Variants in TRABD2A observed in about 807,000 individuals in gnomAD.
TRABD2A encodes TraB domain containing 2A.
Under a neutral mutation model 45.6 loss-of-function variants are expected in TRABD2A, and 43 were observed. The observed-to-expected ratio is 0.94, with a 90% confidence interval of 0.74 to 1.22. The LOEUF (loss-of-function observed/expected upper bound fraction) is 1.22. Among genes scored for constraint, TRABD2A ranks in the 50% most tolerant of loss-of-function variants. TRABD2A has a pLI of 0.00. For missense variants in TRABD2A, 642 were observed against 652.4 expected, an observed-to-expected ratio of 0.98 and a Z score of 0.17; for synonymous variants, 269 against 265.0, an observed-to-expected ratio of 1.02 and a Z score of -0.15.
At chr2:84,847,525 G>A (rs1031172590) in intron 2 of TRABD2A, among the ~76,000 whole-genome samples, 1 of 152,188 alleles carries the variant, frequency 6.6e-6, no homozygotes, top group Non-Finnish European at 1.5e-5. Context: ...TACAAGGACT[G>A]TTGTTCCTGG....
At chr2:84,861,160 T>C (rs1404018155) in intron 2 of TRABD2A, among the ~76,000 whole-genome samples, 1 of 152,196 alleles carries the variant, frequency 6.6e-6, no homozygotes, top group East Asian at 1.9e-4. Context: ...AGGTACAGTT[T>C]GGTGGAAGAC....
At position 84,841,819 on chromosome 2, in the gene TRABD2A, AT is replaced by A. The variant is rs1329545471; in HGVS notation, c.816+41del. ...GCCAGGTAATGTTTTTATTCCTATA[AT>A]TAAATGTGTGCTGAGCTTGGCAGGG... On this transcript the variant is annotated intron_variant, in intron 3 of 6. Coordinates refer to ENST00000409520, the MANE Select transcript of TRABD2A (RefSeq NM_001277053.2). 5 of 1,460,704 alleles carry A rather than the reference AT, an allele frequency of 3.4e-6. No homozygotes were observed. The East Asian group carries it at 1.0e-4, about 29-fold the overall frequency. The allele number at this position is 1,460,704 out of a possible 1,614,324, so 90.5% of individuals were successfully genotyped here. A position where few individuals can be genotyped will look rare whatever the true frequency, so the allele number is the denominator to read the frequency against.
intron 2 of TRABD2A, among the ~76,000 whole-genome samples, chr2:84,848,375 TAGACAGAC>T (rs57767626): frequency 3.5e-3 from 280 of 80,530 alleles, no homozygotes; most frequent in East Asian, 0.017. Flanking sequence ...GATAGATAGA[TAGACAGAC>T]AGACAGACAG....
intron 2 of TRABD2A, among the ~76,000 whole-genome samples, chr2:84,863,829 T>A (rs1182213924): frequency 6.6e-6 from 1 of 152,078 alleles, no homozygotes. Context: ...GCCAGGATGG[T>A]CTCGATCTCC....
At chr2:84,880,194 C>T (rs1683155052) in intron 1 of TRABD2A, among the ~76,000 whole-genome samples, 1 of 152,204 alleles carries the variant, frequency 6.6e-6, no homozygotes, top group Non-Finnish European at 1.5e-5. Flanking sequence ...AAATATTCAT[C>T]TCGAAAGAGG....
chr2:84,848,716 C>G (rs1017225706), intron 2 of TRABD2A, among the ~76,000 whole-genome samples: 5 of 151,748 alleles, frequency 3.3e-5, no homozygotes, highest in Admixed American at 6.6e-5. Flanking sequence ...GCTGGGATTA[C>G]AGGCACCCAC....
At chr2:84,859,949 TG>T (rs149173736) in intron 2 of TRABD2A, among the ~76,000 whole-genome samples, 14,019 of 149,866 alleles carry the variant, frequency 0.094, 1,296 homozygotes, top group African/African-American at 0.24. Context: ...TTTGGAGAGA[TG>T]GGGGGGGGTC....
chr2:84,858,200 GC>G (rs1682378403), intron 2 of TRABD2A, among the ~76,000 whole-genome samples: 1 of 152,018 alleles, frequency 6.6e-6, no homozygotes, highest in African/African-American at 2.4e-5. Context: ...ACTAAAAATA[GC>G]TTCTGTATAG....
chr2:84,840,282 C>A (rs1019081778), intron 3 of TRABD2A, among the ~76,000 whole-genome samples: 3 of 151,508 alleles, frequency 2.0e-5, no homozygotes, highest in African/African-American at 7.3e-5. Context: ...ACTCTGTCAT[C>A]TTTTTTTTTA....
chr2:84,877,926 G>A (rs1374591560), intron 1 of TRABD2A, among the ~76,000 whole-genome samples: 1 of 152,150 alleles, frequency 6.6e-6, no homozygotes, highest in Non-Finnish European at 1.5e-5. Flanking sequence ...CTATGGCAAG[G>A]CACTCTTCTG....
At chr2:84,844,499 T>C (rs925957080) in intron 2 of TRABD2A, among the ~76,000 whole-genome samples, 1 of 152,188 alleles carries the variant, frequency 6.6e-6, no homozygotes, top group South Asian at 2.1e-4. Flanking sequence ...TCATTAGCAG[T>C]GTGAGAACAG....
At chr2:84,831,979 G>T in intron 5 of TRABD2A, 76 bp downstream of exon 5, 1 of 1,486,906 alleles carries the variant, frequency 6.7e-7, no homozygotes, top group Non-Finnish European at 9.4e-7. Flanking sequence ...CCTCAAGATA[G>T]CAGCCCACCC....
chr2:84,848,892 G>A (rs1044396840), intron 2 of TRABD2A, among the ~76,000 whole-genome samples: 1 of 152,034 alleles, frequency 6.6e-6, no homozygotes, highest in Non-Finnish European at 1.5e-5. Flanking sequence ...ATATTATAAT[G>A]TAAGATAAAA....
At chr2:84,823,045 T>C (rs1209175857) in intron 6 of TRABD2A, among the ~76,000 whole-genome samples, 1 of 152,168 alleles carries the variant, frequency 6.6e-6, no homozygotes, top group African/African-American at 2.4e-5. Flanking sequence ...TCATTCTACA[T>C]TTATTAAGCA....
chr2:84,840,382 G>C (rs1202950016), intron 3 of TRABD2A, among the ~76,000 whole-genome samples: 3 of 152,008 alleles, frequency 2.0e-5, no homozygotes, highest in African/African-American at 7.3e-5. Context: ...CTCTACAGAG[G>C]CAGCGTCAGA....
Position 84,830,324 on chromosome 2 carries a change from A to G in TRABD2A, c.1082+1731T>C, listed in dbSNP as rs1290873151. Among the ~76,000 whole-genome samples the G allele has an allele frequency of 6.6e-6, 1 of 152,196 alleles. No homozygotes were observed. The highest frequency in any genetic ancestry group is 1.5e-5 in the Non-Finnish European group (1 of 68,022). Reference sequence around the variant, plus strand: ...AGAGGAGGGCTCCTCAGAAGGGGGAAGTAGCGTCAGTAAAGGAGAGGCGGG... The same window carrying G: ...AGAGGAGGGCTCCTCAGAAGGGGGAGGTAGCGTCAGTAAAGGAGAGGCGGG... On this transcript the variant is annotated intron_variant, in intron 5 of 6. Transcript: ENST00000409520. The surrounding 1 kb of genome is among the most constrained non-coding windows in gnomAD (Gnocchi z 4.9).
intron 2 of TRABD2A, among the ~76,000 whole-genome samples, chr2:84,865,589 G>A (rs1368218355): frequency 6.6e-6 from 1 of 152,210 alleles, no homozygotes; most frequent in Non-Finnish European, 1.5e-5. Flanking sequence ...CCCAAGCCAA[G>A]ATGTGACTGG....
chr2:84,855,110 T>A (rs1682230705), intron 2 of TRABD2A, among the ~76,000 whole-genome samples: 1 of 152,126 alleles, frequency 6.6e-6, no homozygotes, highest in South Asian at 2.1e-4. Flanking sequence ...TCATCAGCTT[T>A]ACATTCAAAG....
chr2:84,842,725 T>TAAA (rs1264184989), intron 2 of TRABD2A, among the ~76,000 whole-genome samples: 1 of 131,736 alleles, frequency 7.6e-6, no homozygotes, highest in Non-Finnish European at 1.6e-5. Flanking sequence ...AGACTCTGTC[T>TAAA]CAAAAAAAAA....
Sources: allele counts gnomAD v4.1 joint callset (sites outside exome capture counted in the v4.1 genomes callset), GRCh38; gene constraint gnomAD v4.1.1; non-coding constraint Gnocchi (gnomAD v3.1); transcripts MANE v1.5; gene names NCBI Gene and HGNC (gene_info 2026-07-23, HGNC 2026-07-21).